The following PLCE1 variants were observed in gnomAD, a reference collection of about 807,000 sequenced individuals.
The protein encoded by PLCE1 is 1-phosphatidylinositol 4,5-bisphosphate phosphodiesterase epsilon-1.
A neutral mutation model predicts 242.8 loss-of-function variants in PLCE1; 119 were observed. The observed-to-expected ratio is 0.49, with a 90% CI of 0.42 to 0.57. The LOEUF (loss-of-function observed/expected upper bound fraction) is 0.57, where lower values mean the gene tolerates loss of function less well. PLCE1 is among the 20% of genes least tolerant of loss of function. The pLI, the probability that PLCE1 is intolerant of heterozygous loss-of-function variation, is 0.00. For missense variants in PLCE1, 2,441 were observed against 2,788.8 expected (o/e 0.88, Z 2.81); for synonymous variants, 945 against 1,017.4 (o/e 0.93, Z 1.35).
intron 28 of PLCE1, 70 bp from the exon 29 acceptor site, chr10:94,316,475 CTG>C (rs2053576704): frequency 7.4e-6 from 7 of 947,024 alleles, no homozygotes; most frequent in Non-Finnish European, 1.0e-5. Flanking sequence ...GCAAACCTAT[CTG>C]AACACCATGA....
intron 1 of PLCE1, among the ~76,000 whole-genome samples, chr10:94,027,099 T>G (rs2061464173): frequency 6.6e-6 from 1 of 152,170 alleles, no homozygotes; most frequent in African/African-American, 2.4e-5. Context: ...TATTTGCTCT[T>G]CCCTGAAAAC....
At chr10:94,252,282 T>C in intron 8 of PLCE1, 34 bp from the exon 9 acceptor site, 2 of 1,598,840 alleles carry the variant, frequency 1.3e-6, no homozygotes, top group Non-Finnish European at 1.7e-6. Flanking sequence ...TGCTTGATGC[T>C]TCCTATTGTG....
intron 2 of PLCE1, among the ~76,000 whole-genome samples, chr10:94,071,335 G>T (rs1013569648): frequency 6.6e-6 from 1 of 152,002 alleles, no homozygotes; most frequent in Admixed American, 6.6e-5. Flanking sequence ...GGGAAGAGGA[G>T]TTCATTACCT....
intron 2 of PLCE1, among the ~76,000 whole-genome samples, chr10:94,033,481 A>G (rs1048190037): frequency 6.6e-6 from 1 of 152,130 alleles, no homozygotes; most frequent in African/African-American, 2.4e-5. Flanking sequence ...TGGTGACAAG[A>G]TCACAGTTAC....
In PLCE1 at chr10:94,298,305, T is replaced by A. The variant is rs766661947; in HGVS notation, c.5168-74T>A. ...TATGCTATGACTGTTTACTGGGATG[T>A]TGTTCAGGTTTATCTTTCTAAAATA... On this transcript the variant is annotated intron_variant, in intron 23 of 32. Transcript: ENST00000371380. This position sits in a 1 kb window ranked among gnomAD's most constrained non-coding sequence, Gnocchi z 5.2. 195 of 1,328,486 alleles carry A rather than the reference T, an allele frequency of 1.5e-4. No individual in the cohort carries two copies. The highest frequency in any genetic ancestry group is 8.5e-4 in the East Asian group (37 of 43,550). 82.3% of individuals were successfully genotyped at this position (1,328,486 alleles called of 1,614,324 possible).
chr10:94,265,083 A>G (rs1252196182), intron 14 of PLCE1, among the ~76,000 whole-genome samples: 1 of 152,266 alleles, frequency 6.6e-6, no homozygotes, highest in Admixed American at 6.5e-5. Flanking sequence ...GAAGGTTTAC[A>G]CTACAGGGTG....
intron 4 of PLCE1, among the ~76,000 whole-genome samples, chr10:94,184,731 T>C (rs2048416365): frequency 6.6e-6 from 1 of 152,220 alleles, no homozygotes; most frequent in Non-Finnish European, 1.5e-5. Context: ...TTTCTGTACA[T>C]AGCCTCTGCA....
intron 3 of PLCE1, among the ~76,000 whole-genome samples, chr10:94,134,804 C>T (rs2046715126): frequency 6.6e-6 from 1 of 152,196 alleles, no homozygotes; most frequent in Non-Finnish European, 1.5e-5. Flanking sequence ...ATCAATATTT[C>T]TAGCTCTGAC....
intron 3 of PLCE1, 76 bp downstream of exon 3, chr10:94,132,535 C>T (rs891527510): frequency 7.2e-7 from 1 of 1,389,550 alleles, no homozygotes. Flanking sequence ...TTATGTATCT[C>T]CTGATGGAAA....
At chr10:94,060,649 G>A (rs918422151) in intron 2 of PLCE1, among the ~76,000 whole-genome samples, 3 of 151,128 alleles carry the variant, frequency 2.0e-5, no homozygotes, top group East Asian at 1.9e-4. Context: ...ATACATTAAC[G>A]TTAGCATGAA....
At chr10:94,058,973 C>T (rs981892246) in intron 2 of PLCE1, among the ~76,000 whole-genome samples, 5 of 152,154 alleles carry the variant, frequency 3.3e-5, no homozygotes, top group African/African-American at 1.2e-4. Context: ...ATAGCGTAAA[C>T]ACATGTACCT....
chr10:94,090,260 C>T (rs1045389577), intron 2 of PLCE1, among the ~76,000 whole-genome samples: 2 of 152,042 alleles, frequency 1.3e-5, no homozygotes, highest in African/African-American at 4.8e-5. Flanking sequence ...TCCCAAAGTA[C>T]TGTGTTTAAG....
intron 3 of PLCE1, among the ~76,000 whole-genome samples, chr10:94,160,941 G>T (rs1406414257): frequency 6.6e-6 from 1 of 152,056 alleles, no homozygotes; most frequent in Non-Finnish European, 1.5e-5. Flanking sequence ...ATTTCTGAGG[G>T]CTCTGTTCTG....
intron 16 of PLCE1, among the ~76,000 whole-genome samples, chr10:94,267,222 G>A (rs2051552746): frequency 1.3e-5 from 2 of 152,132 alleles, no homozygotes; most frequent in South Asian, 4.1e-4. Context: ...ACATATCTAT[G>A]TATATTTATG....
chr10:94,204,301 G>C (rs913562833), intron 4 of PLCE1, among the ~76,000 whole-genome samples: 1 of 151,926 alleles, frequency 6.6e-6, no homozygotes, highest in Non-Finnish European at 1.5e-5. Context: ...AGAGAAAGAA[G>C]GCAAAAAAGC....
chr10:94,168,786 G>A (rs1455133647), intron 3 of PLCE1, among the ~76,000 whole-genome samples: 1 of 152,070 alleles, frequency 6.6e-6, no homozygotes, highest in Non-Finnish European at 1.5e-5. Context: ...GCTATAGTTC[G>A]AGATCATGTC....
chr10:94,270,552 G>A lies in PLCE1; in HGVS notation c.4456G>A (p.Glu1486Lys). The A allele has an allele frequency of 6.2e-7, 1 of 1,614,018 alleles. No individual in the cohort carries two copies. The highest frequency in any genetic ancestry group is 8.5e-7 in the Non-Finnish European group (1 of 1,179,898). ...TGACCTGCCAATCATCATATCGATT[G>A]AGAACCACTGTTCATTGCCTCAGCA... ...NSDLPIIISIENHCSLPQQRK... is the reference protein window; with the variant it reads ...NSDLPIIISIKNHCSLPQQRK... Residue 1486 changes from glutamate to lysine, a missense_variant, in exon 18 of 33, where the codon GAG becomes AAG. Glu to Lys is a moderately conservative substitution (Grantham distance 56, BLOSUM62 1). Around this residue, in one of 5 missense-constraint regions of PLCE1, gnomAD observed 1,004 missense variants for 1,322.7 expected, o/e 0.76. Transcript: ENST00000371380.
In PLCE1 at chr10:94,235,982, C is replaced by T. The variant is rs376554016; in HGVS notation, c.2282C>T (p.Ser761Leu). 57 of 1,613,718 alleles carry T rather than the reference C, an allele frequency of 3.5e-5. No homozygotes were observed. The highest frequency in any genetic ancestry group is 1.2e-4 in the African/African-American group (9 of 74,862). The change falls in exon 7 of 33, where the codon TCG becomes TTG. Residue 761 changes from serine to leucine, a missense_variant. Transcript: ENST00000371380. ...GTGGGACAAAATGGCTTAAAGAATT[C>T]GGAGAAGGAGTCCACTGTCAACAGC... ...QRVGQNGLKN[S>L]EKESTVNSIF...
Position 93,994,170 on chromosome 10 carries a change from C to T in PLCE1, c.-453C>T, listed in dbSNP as rs2134114284. On this transcript the variant is annotated 5_prime_UTR_variant, in exon 1 of 33. Coordinates refer to ENST00000371380, the MANE Select transcript of PLCE1 (RefSeq NM_016341.4). Reference sequence around the variant, plus strand: ...GCTGACACACAGTAGCGGGGACACCCGACGCCGCTAGCGACAGGCGCGCGG... The same window carrying T: ...GCTGACACACAGTAGCGGGGACACCTGACGCCGCTAGCGACAGGCGCGCGG... Among the ~76,000 whole-genome samples the T allele has an allele frequency of 6.6e-6, 1 of 152,294 alleles. No homozygotes were observed. The highest frequency in any genetic ancestry group is 1.5e-5 in the Non-Finnish European group (1 of 68,006).
Sources: allele counts gnomAD v4.1 joint callset (sites outside exome capture counted in the v4.1 genomes callset), GRCh38; gene constraint gnomAD v4.1.1; regional missense constraint gnomAD v4.1.1; non-coding constraint Gnocchi (gnomAD v3.1); transcripts MANE v1.5; gene names NCBI Gene and HGNC (gene_info 2026-07-23, HGNC 2026-07-21).